Variants in DPP10 observed in about 807,000 individuals in gnomAD.
DPP10 encodes inactive dipeptidyl peptidase 10.
DPP10 carries 33 observed loss-of-function variants against 120.9 expected under a neutral mutation model. The ratio of observed to expected loss-of-function variants is 0.27; its 90% CI spans 0.21 to 0.37. The LOEUF is 0.37. DPP10 is among the 10% of genes least tolerant of loss of function. The pLI, the probability that DPP10 is intolerant of heterozygous loss-of-function variation, is 1.00. For synonymous variants in DPP10, 337 were observed against 326.1 expected (o/e 1.03, Z -0.36); for missense variants, 816 against 942.8 (o/e 0.87, Z 1.76).
At chr2:115,376,963 T>C (rs1172815791) in intron 3 of DPP10, among the ~76,000 whole-genome samples, 2 of 148,322 alleles carry the variant, frequency 1.3e-5, no homozygotes, top group Non-Finnish European at 3.0e-5. Flanking sequence ...GTTGGACATT[T>C]GGGTTGGTTC....
chr2:114,621,172 C>T (rs1694064707), intron 1 of DPP10, among the ~76,000 whole-genome samples: 1 of 152,018 alleles, frequency 6.6e-6, no homozygotes, highest in Admixed American at 6.6e-5. Context: ...TGGACTAACA[C>T]AGCTGGATGT....
chr2:114,810,195 T>G (rs78014121), intron 1 of DPP10, among the ~76,000 whole-genome samples: 3,139 of 152,284 alleles, frequency 0.021, 123 homozygotes, highest in African/African-American at 0.072. Context: ...TCTGAACTCT[T>G]GGTTTACTTT....
intron 5 of DPP10, among the ~76,000 whole-genome samples, chr2:115,594,124 G>A (rs2082849910): frequency 6.6e-6 from 1 of 152,070 alleles, no homozygotes; most frequent in Non-Finnish European, 1.5e-5. Flanking sequence ...GCTATTATTG[G>A]CTCTATAAAA....
At chr2:114,443,912 T>C (rs1677799911) in intron 1 of DPP10, among the ~76,000 whole-genome samples, 1 of 152,162 alleles carries the variant, frequency 6.6e-6, no homozygotes, top group Admixed American at 6.5e-5. Flanking sequence ...TTTTCAACAA[T>C]GTCTCTTCTT....
intron 5 of DPP10, among the ~76,000 whole-genome samples, chr2:115,663,621 C>A (rs1314334464): frequency 2.0e-5 from 3 of 152,144 alleles, no homozygotes; most frequent in South Asian, 4.1e-4. Flanking sequence ...GACATTCGGC[C>A]ACCTCTTATT....
Position 114,917,679 on chromosome 2 carries a change from C to G in DPP10, c.61-391560C>G, listed in dbSNP as rs572017282. 2.3e-3 allele frequency among the ~76,000 whole-genome samples: 350 copies of G among 152,206 alleles called. 2 individuals are homozygous for G. The highest frequency in any genetic ancestry group is 3.4e-3 in the Middle Eastern group (1 of 294). ...ACACCTGCAACCATCAGATCTTTCA[C>G]AAAGCTGACAAAAACAAGCAATGGG... On this transcript the variant is annotated intron_variant, in intron 1 of 25. Coordinates refer to ENST00000410059, the MANE Select transcript of DPP10 (RefSeq NM_020868.6).
intron 1 of DPP10, among the ~76,000 whole-genome samples, chr2:115,123,391 G>A (rs1239819652): frequency 6.6e-6 from 1 of 152,154 alleles, no homozygotes; most frequent in Admixed American, 6.5e-5. Context: ...GGGGTGGCCT[G>A]TTCACATGCT....
At chr2:115,027,952 T>C (rs917711608) in intron 1 of DPP10, among the ~76,000 whole-genome samples, 1 of 152,092 alleles carries the variant, frequency 6.6e-6, no homozygotes, top group African/African-American at 2.4e-5. Context: ...TTAGTTGTTA[T>C]GTCTCCTTTT....
intron 5 of DPP10, among the ~76,000 whole-genome samples, chr2:115,626,070 A>C (rs2085334406): frequency 6.6e-6 from 1 of 151,604 alleles, no homozygotes; most frequent in Non-Finnish European, 1.5e-5. Context: ...AAGTATAAAC[A>C]GAAACTAAAA....
At chr2:115,673,957 A>T (rs1575494385) in intron 5 of DPP10, among the ~76,000 whole-genome samples, 1 of 152,192 alleles carries the variant, frequency 6.6e-6, no homozygotes, top group East Asian at 1.9e-4. Context: ...GACGCCTGTA[A>T]TCCCAGCACT....
chr2:115,088,762 A>AAAAAAAAAAAAAAC (rs1559080192), intron 1 of DPP10, among the ~76,000 whole-genome samples: 10 of 150,310 alleles, frequency 6.7e-5, no homozygotes, highest in Non-Finnish European at 1.2e-4. Context: ...AAAAAAAAAA[A>AAAAAAAAAAAAAAC]AAAAAAACCA....
chr2:115,570,646 A>C (rs781723371), intron 5 of DPP10, among the ~76,000 whole-genome samples: 53 of 152,186 alleles, frequency 3.5e-4, no homozygotes, highest in Non-Finnish European at 5.9e-4. Flanking sequence ...TGTTATTCTA[A>C]CATCCCAACA....
At chr2:115,163,791 T>A (rs1056268762) in intron 1 of DPP10, among the ~76,000 whole-genome samples, 2 of 152,160 alleles carry the variant, frequency 1.3e-5, no homozygotes, top group African/African-American at 4.8e-5. Context: ...GCTGGTTACT[T>A]GAGGCGCTGC....
intron 1 of DPP10, among the ~76,000 whole-genome samples, chr2:114,478,336 C>T (rs578076133): frequency 2.0e-5 from 3 of 151,952 alleles, no homozygotes; most frequent in South Asian, 4.2e-4. Context: ...TATCAGTTTA[C>T]CTAGAAAAAT....
chr2:115,478,762 C>T (rs2075248694), intron 3 of DPP10, among the ~76,000 whole-genome samples: 1 of 151,784 alleles, frequency 6.6e-6, no homozygotes, highest in Non-Finnish European at 1.5e-5. Flanking sequence ...AATATTTTTC[C>T]AAAAAGATAT....
chr2:115,097,625 A>G (rs2048467061), intron 1 of DPP10, among the ~76,000 whole-genome samples: 1 of 152,220 alleles, frequency 6.6e-6, no homozygotes, highest in African/African-American at 2.4e-5. Flanking sequence ...CTTAAAGTAC[A>G]TACCGGCATA....
At chr2:115,702,802 A>G (rs36015526) in intron 7 of DPP10, among the ~76,000 whole-genome samples, 1 of 152,246 alleles carries the variant, frequency 6.6e-6, no homozygotes. Context: ...ATCTGTGCAT[A>G]CAATACAAAC....
chr2:114,542,599 CA>C (rs1284709428), intron 1 of DPP10, among the ~76,000 whole-genome samples: 7 of 152,178 alleles, frequency 4.6e-5, no homozygotes, highest in Non-Finnish European at 1.0e-4. Context: ...GCTTTGGCAT[CA>C]AATCGCCTTC....
chr2:115,174,780 T>G (rs539645380), intron 1 of DPP10, among the ~76,000 whole-genome samples: 2 of 152,334 alleles, frequency 1.3e-5, no homozygotes, highest in South Asian at 2.1e-4. Flanking sequence ...AGCCAACTTC[T>G]TAAGTCATGT....
Sources: gnomAD v4.1 joint callset for allele counts (sites outside exome capture counted in the v4.1 genomes callset) on GRCh38, gnomAD v4.1.1 for gene constraint, MANE v1.5 for transcripts, NCBI Gene and HGNC (gene_info 2026-07-23, HGNC 2026-07-21) for gene names.